Variants in GOLGA3 observed in about 807,000 individuals in gnomAD.
GOLGA3 encodes the protein golgin subfamily A member 3.
In GOLGA3, 75 loss-of-function variants were observed where a neutral mutation model predicts 169.4. That is an observed-to-expected ratio of 0.44 (90% CI 0.37 to 0.54). GOLGA3 has a LOEUF of 0.54. GOLGA3 is among the 20% of genes least tolerant of loss of function. The probability of loss-of-function intolerance (pLI) is 0.00; values close to 1 mark genes in which losing one functional copy is unlikely to be tolerated. For missense variants in GOLGA3, 1,899 were observed against 1,930.0 expected (o/e 0.98, Z 0.30); for synonymous variants, 824 against 822.4 (o/e 1.00, Z -0.03).
At position 132,813,392 on chromosome 12, in the gene GOLGA3, T is replaced by G. The variant is rs1949808793; in HGVS notation, c.434A>C (p.Glu145Ala). 1.2e-6 allele frequency: 2 copies of G among 1,611,996 alleles called. No individual in the cohort carries two copies. Among genetic ancestry groups the G allele is most frequent in the Non-Finnish European group, 1.7e-6 (2 of 1,178,490 alleles). ...CTGAAGTCGGACCTGCTCCTCCTTC[T>G]CCAGGGGCAGGGGAGAATCTGTAGA... ...LCSTDSPLPL[E>A]KEEQVRLQAR... Residue 145 changes from glutamate to alanine, a missense_variant, in exon 4 of 24, where the codon GAG (glutamate) becomes GCG (alanine). By Grantham distance (107) the Glu-to-Ala change is moderately radical (BLOSUM62 -1). Transcript: ENST00000450791.
At chr12:132,790,917 G>A (rs1285897556) in intron 12 of GOLGA3, among the ~76,000 whole-genome samples, 1 of 149,652 alleles carries the variant, frequency 6.7e-6, no homozygotes, top group Non-Finnish European at 1.5e-5. Context: ...CGGACGTGGT[G>A]GAGGGCGCCT....
intron 2 of GOLGA3, 60 bp downstream of exon 2, chr12:132,821,936 C>A: frequency 1.8e-6 from 2 of 1,088,062 alleles, no homozygotes; most frequent in South Asian, 1.5e-5. Flanking sequence ...CTCAACACCA[C>A]GTCCTCCCTC....
intron 15 of GOLGA3, among the ~76,000 whole-genome samples, chr12:132,784,578 T>A (rs1190036391): frequency 6.6e-6 from 1 of 152,348 alleles, no homozygotes; most frequent in East Asian, 1.9e-4. Flanking sequence ...CTGCAGATAA[T>A]GGCTATAAAT....
intron 11 of GOLGA3, 99 bp downstream of exon 11, chr12:132,795,753 T>C: frequency 7.6e-7 from 1 of 1,310,962 alleles, no homozygotes; most frequent in Non-Finnish European, 1.1e-6. Context: ...ACAGCGAGAC[T>C]GTTTCAAAAA....
In GOLGA3 at chr12:132,774,283, G is replaced by C; in HGVS notation, c.4181C>G (p.Pro1394Arg). Residue 1394 changes from proline to arginine, a missense_variant, in exon 23 of 24, where the codon CCT (proline) becomes CGT (arginine). Physicochemically the swap from Pro to Arg is moderately radical, Grantham distance 103. Transcript: ENST00000450791. ...GTCCGGGATCTTGATGGGCGTGGCAGGGTTGGAAGAGCTGGCCTCGCCTTT... is the reference window on the plus strand; with the variant it reads ...GTCCGGGATCTTGATGGGCGTGGCACGGTTGGAAGAGCTGGCCTCGCCTTT... Reference protein sequence around the residue: ...EPKGEASSSNPATPIKIPDCP... With the variant: ...EPKGEASSSNRATPIKIPDCP... The C allele has an allele frequency of 1.2e-6, 2 of 1,612,764 alleles. No individual in the cohort carries two copies. The highest frequency in any genetic ancestry group is 1.7e-6 in the Non-Finnish European group (2 of 1,180,026).
At chr12:132,786,198 A>C (rs1168705412) in intron 15 of GOLGA3, 141 bp downstream of exon 15, 5 of 610,728 alleles carry the variant, frequency 8.2e-6, no homozygotes, top group Non-Finnish European at 1.4e-5. Flanking sequence ...GTAACCTGGA[A>C]GATGAGCGGG....
At chr12:132,810,426 TA>T (rs796499802) in intron 4 of GOLGA3, among the ~76,000 whole-genome samples, 225 of 152,136 alleles carry the variant, frequency 1.5e-3, no homozygotes, top group African/African-American at 5.1e-3. Context: ...GTATATAAAA[TA>T]AGAATAGTTA....
At position 132,798,379 on chromosome 12, in the gene GOLGA3, C is replaced by A; in HGVS notation, c.1899G>T (p.Lys633Asn). The A allele has an allele frequency of 6.2e-7, 1 of 1,613,686 alleles. No homozygotes were observed. The highest frequency in any genetic ancestry group is 8.5e-7 in the Non-Finnish European group (1 of 1,179,876). Reference protein sequence around the residue: ...QLTETQHRSMKEKGRIAAQLQ... With the variant: ...QLTETQHRSMNEKGRIAAQLQ... Reference sequence around the variant, plus strand: ...GCTGTGCCGCGATGCGCCCCTTCTCCTTCATGGACCTGTGCTGAGTTTCCG... The same window carrying A: ...GCTGTGCCGCGATGCGCCCCTTCTCATTCATGGACCTGTGCTGAGTTTCCG... The change falls in exon 9 of 24, where the codon AAG (lysine) becomes AAT (asparagine). Residue 633 changes from lysine to asparagine, a missense_variant. Lys to Asn is a moderately conservative substitution (Grantham distance 94). Transcript: ENST00000450791.
chr12:132,776,069 C>T (rs1490667342), intron 21 of GOLGA3, among the ~76,000 whole-genome samples: 1 of 152,244 alleles, frequency 6.6e-6, no homozygotes, highest in Non-Finnish European at 1.5e-5. Context: ...TCCCCGGGAG[C>T]ACTGCCTGGC....
chr12:132,795,793 C>A, intron 11 of GOLGA3, 59 bp downstream of exon 11: 1 of 1,489,404 alleles, frequency 6.7e-7, no homozygotes, highest in Non-Finnish European at 9.1e-7. Flanking sequence ...AGCAAATAAT[C>A]AGCATCATTC....
chr12:132,783,917 A>G, intron 16 of GOLGA3: 1 of 1,432,252 alleles, frequency 7.0e-7, no homozygotes, highest in Non-Finnish European at 9.1e-7. Flanking sequence ...TGAACTGAGA[A>G]GGGTTCCACT....
chr12:132,821,982 A>AC lies in GOLGA3; in HGVS notation c.133+13dup. 6.3e-7 allele frequency: 1 copy of AC among 1,581,302 alleles called. No individual in the cohort carries two copies. The highest frequency in any genetic ancestry group is 8.6e-7 in the Non-Finnish European group (1 of 1,162,380). Reference sequence around the variant, plus strand: ...CCTCCTGTGACCAGCACACAGAGGAACCTCACGACTTACACTGGACTTTGT... The same window carrying AC: ...CCTCCTGTGACCAGCACACAGAGGAACCCTCACGACTTACACTGGACTTTGT... On this transcript the variant is annotated intron_variant, in intron 2 of 23. Coordinates refer to ENST00000450791, the MANE Select transcript of GOLGA3 (RefSeq NM_001389683.1).
chr12:132,780,753 G>A (rs1167395156), intron 18 of GOLGA3, 45 bp downstream of exon 18: 2 of 1,197,932 alleles, frequency 1.7e-6, no homozygotes, highest in Non-Finnish European at 2.5e-6. Flanking sequence ...TCTAGGCACT[G>A]GAGCGTCCTC....
At chr12:132,794,733 T>C (rs1948743873) in intron 11 of GOLGA3, among the ~76,000 whole-genome samples, 1 of 152,198 alleles carries the variant, frequency 6.6e-6, no homozygotes, top group Non-Finnish European at 1.5e-5. Flanking sequence ...ATTGGGACAA[T>C]TCCTCTAAAT....
intron 16 of GOLGA3, 86 bp from the exon 17 acceptor site, chr12:132,782,579 A>C: frequency 1.8e-6 from 2 of 1,093,128 alleles, no homozygotes; most frequent in Non-Finnish European, 2.8e-6. Flanking sequence ...TTTCAACAAG[A>C]AACAGCGAAA....
intron 4 of GOLGA3, among the ~76,000 whole-genome samples, chr12:132,812,494 T>A (rs1421337534): frequency 1.3e-5 from 2 of 152,102 alleles, no homozygotes; most frequent in Admixed American, 1.3e-4. Flanking sequence ...CCATTCTAGA[T>A]GCCATTAAAA....
chr12:132,778,017 T>C (rs2045346580), intron 18 of GOLGA3, among the ~76,000 whole-genome samples: 1 of 152,258 alleles, frequency 6.6e-6, no homozygotes, highest in Admixed American at 6.5e-5. Context: ...TGGCTGCTGC[T>C]ATCTGTTGAA....
chr12:132,795,870 T>G lies in GOLGA3; in HGVS notation c.2451A>C (p.Leu817Phe). The G allele has an allele frequency of 1.2e-6, 2 of 1,613,118 alleles. No homozygotes were observed. The highest frequency in any genetic ancestry group is 1.7e-6 in the Non-Finnish European group (2 of 1,179,094). The change falls in exon 11 of 24, where the codon TTA becomes TTC. Residue 817 changes from leucine to phenylalanine, a missense_variant. Transcript: ENST00000450791. ...GCATTACCTGGCCGGATTTGATAGCTAATTCTTCTCTTAACTTCTCTAAAG... is the reference window on the plus strand; with the variant it reads ...GCATTACCTGGCCGGATTTGATAGCGAATTCTTCTCTTAACTTCTCTAAAG... ...SETLEKLREE[L>F]AIKSGQVEHL...
Position 132,808,458 on chromosome 12 carries a change from A to G in GOLGA3, c.611T>C (p.Leu204Pro). The G allele has an allele frequency of 6.2e-7, 1 of 1,614,134 alleles. No individual in the cohort carries two copies. Among genetic ancestry groups the G allele is most frequent in the Non-Finnish European group, 8.5e-7 (1 of 1,179,962 alleles). ...NPENLPRASTLAMTKEYSFLR... is the reference protein window; with the variant it reads ...NPENLPRASTPAMTKEYSFLR... ...GAAGGAATATTCTTTTGTCATAGCC[A>G]GGGTACTGGCCCTTGGTAAGTTTTC... Residue 204 changes from leucine (L) to proline (P), a missense_variant, in exon 5 of 24, where the codon CTG becomes CCG. Transcript: ENST00000450791.
Sources: gnomAD v4.1 joint callset for allele counts (sites outside exome capture counted in the v4.1 genomes callset) on GRCh38, gnomAD v4.1.1 for gene constraint, MANE v1.5 for transcripts, NCBI Gene and HGNC (gene_info 2026-07-23, HGNC 2026-07-21) for gene names.